Variants in KIAA0319L observed in about 807,000 individuals in gnomAD.
KIAA0319L encodes the protein dyslexia-associated protein KIAA0319-like protein.
A neutral mutation model predicts 120.1 loss-of-function variants in KIAA0319L; 55 were observed. The ratio of observed to expected loss-of-function variants is 0.46; its 90% CI spans 0.37 to 0.57. KIAA0319L has a LOEUF of 0.57. Among genes scored for constraint, KIAA0319L ranks in the 20% least tolerant of loss-of-function variants. KIAA0319L has a pLI of 0.00. For missense variants in KIAA0319L, 1,049 were observed against 1,255.3 expected, an observed-to-expected ratio of 0.84 and a Z score of 2.48; for synonymous variants, 398 against 471.9, an observed-to-expected ratio of 0.84 and a Z score of 2.03.
In KIAA0319L at chr1:35,462,613, G is replaced by C; in HGVS notation, c.1294+8C>G. 6.3e-7 allele frequency: 1 copy of C among 1,593,556 alleles called. No individual in the cohort carries two copies. The stretch of plus-strand genomic sequence containing the variant: ...CTTCTAAAACATCATACTTAGACAA[G>C]TACTCACGACTGCCATCAATGACTG... On this transcript the variant is annotated splice_region_variant and intron_variant, in intron 8 of 20. Coordinates refer to ENST00000325722, the MANE Select transcript of KIAA0319L (RefSeq NM_024874.5).
At chr1:35,463,752 G>GT (rs1225676991) in intron 7 of KIAA0319L, among the ~76,000 whole-genome samples, 1 of 152,214 alleles carries the variant, frequency 6.6e-6, no homozygotes, top group Non-Finnish European at 1.5e-5. Flanking sequence ...TGGTCTGGCT[G>GT]TGTCTCCACT....
At chr1:35,455,642 G>A (rs1023522431) in intron 10 of KIAA0319L, among the ~76,000 whole-genome samples, 8 of 142,204 alleles carry the variant, frequency 5.6e-5, no homozygotes, top group South Asian at 2.2e-4. Context: ...GTGCAATGGC[G>A]TGATCTCGGC....
chr1:35,541,010 T>C (rs11264174), intron 2 of KIAA0319L, among the ~76,000 whole-genome samples: 34,917 of 151,868 alleles, frequency 0.23, 8,567 homozygotes, highest in African/African-American at 0.58. Flanking sequence ...AGCGTGATCA[T>C]GGCTCACTGA....
chr1:35,470,704 A>C (rs527260253), intron 6 of KIAA0319L, among the ~76,000 whole-genome samples, 159 bp downstream of exon 6: 1 of 152,312 alleles, frequency 6.6e-6, no homozygotes, highest in South Asian at 2.1e-4. Context: ...AGAATCATAC[A>C]CTAACAAATA....
Position 35,554,395 on chromosome 1 carries a change from G to A in KIAA0319L, c.97C>T (p.Leu33=). The change falls in exon 2 of 21, where the codon CTG becomes TTG. Residue 33 remains leucine (L), a synonymous_variant. Coordinates refer to ENST00000325722, the MANE Select transcript of KIAA0319L (RefSeq NM_024874.5). The part of the protein sequence containing the change: ...TSAKWLRSLY[L]FYTCFCFSVL... ...CTGAAGCAAAAGCAAGTATAAAACA[G>A]GTACAGGCTTCTCAACCACTTCGCA... The A allele has an allele frequency of 6.2e-7, 1 of 1,612,704 alleles. No homozygotes were observed. Among genetic ancestry groups the A allele is most frequent in the Non-Finnish European group, 8.5e-7 (1 of 1,179,548 alleles).
At chr1:35,544,130 G>A (rs1646896398) in intron 2 of KIAA0319L, among the ~76,000 whole-genome samples, 1 of 152,064 alleles carries the variant, frequency 6.6e-6, no homozygotes, top group South Asian at 2.1e-4. Context: ...CACTTTGGGG[G>A]GCCAAGGCGG....
At chr1:35,484,858 GGTTA>G (rs1185002557) in intron 3 of KIAA0319L, among the ~76,000 whole-genome samples, 2 of 139,858 alleles carry the variant, frequency 1.4e-5, no homozygotes, top group Non-Finnish European at 3.1e-5. Flanking sequence ...ACATTGTGCA[GGTTA>G]GTTACATATG....
intron 4 of KIAA0319L, among the ~76,000 whole-genome samples, chr1:35,476,752 T>A (rs1223823448): frequency 6.6e-6 from 1 of 152,196 alleles, no homozygotes; most frequent in Non-Finnish European, 1.5e-5. Context: ...TGCCTCATGA[T>A]TGAACCCCTA....
At chr1:35,484,530 T>G (rs914740713) in intron 3 of KIAA0319L, among the ~76,000 whole-genome samples, 1 of 152,146 alleles carries the variant, frequency 6.6e-6, no homozygotes, top group Non-Finnish European at 1.5e-5. Flanking sequence ...ATAGTTCCAG[T>G]GGCTTTTATG....
rs1645960789 is a variant in KIAA0319L, at chr1:35,522,414, GGA to G, written c.143-15281_143-15280del. Among the ~76,000 whole-genome samples, 6 of 152,006 alleles carry G rather than the reference GGA, an allele frequency of 3.9e-5. No individual in the cohort carries two copies. In the South Asian group the frequency reaches 1.3e-3, roughly 32 times the overall value. ...CCTGCCTCAGCCTCTTGAGTAGCTG[GGA>G]TTACAGGCACGCACCACCACGCCCA... is the stretch of plus-strand genomic sequence containing the variant. On this transcript the variant is annotated intron_variant, in intron 2 of 20. Coordinates refer to ENST00000325722, the MANE Select transcript of KIAA0319L (RefSeq NM_024874.5).
intron 4 of KIAA0319L, among the ~76,000 whole-genome samples, chr1:35,476,572 T>C (rs927239080): frequency 4.6e-5 from 7 of 152,024 alleles, no homozygotes; most frequent in African/African-American, 1.7e-4. Flanking sequence ...CCCCAGGAGA[T>C]GGAATAAGAA....
At chr1:35,548,576 C>T (rs369631831) in intron 2 of KIAA0319L, among the ~76,000 whole-genome samples, 121 of 152,182 alleles carry the variant, frequency 8.0e-4, no homozygotes, top group African/African-American at 2.8e-3. Flanking sequence ...ATCTCTTACA[C>T]ATATATAAGA....
chr1:35,473,652 GA>G (rs1200231827), intron 5 of KIAA0319L, among the ~76,000 whole-genome samples: 2 of 152,196 alleles, frequency 1.3e-5, no homozygotes, highest in East Asian at 3.8e-4. Context: ...AATGTGAAAT[GA>G]ATTGATAAGG....
intron 2 of KIAA0319L, among the ~76,000 whole-genome samples, chr1:35,546,037 T>A (rs1336847428): frequency 6.6e-6 from 1 of 152,200 alleles, no homozygotes; most frequent in Admixed American, 6.5e-5. Context: ...GAGGTAGCCA[T>A]GAGACATCTT....
chr1:35,486,976 T>C (rs988212077), intron 3 of KIAA0319L, among the ~76,000 whole-genome samples: 2 of 152,218 alleles, frequency 1.3e-5, no homozygotes, highest in African/African-American at 4.8e-5. Flanking sequence ...CTTTGAAGTC[T>C]GACTACTATC....
chr1:35,546,895 A>G (rs6425947), intron 2 of KIAA0319L, among the ~76,000 whole-genome samples: 34,837 of 151,358 alleles, frequency 0.23, 8,564 homozygotes, highest in African/African-American at 0.58. Context: ...TGCAGCTGCT[A>G]TAGAAAACAG....
At chr1:35,539,752 ACTCT>A (rs1209347934) in intron 2 of KIAA0319L, among the ~76,000 whole-genome samples, 11 of 152,104 alleles carry the variant, frequency 7.2e-5, no homozygotes, top group Non-Finnish European at 1.2e-4. Flanking sequence ...CCTCCAGCTG[ACTCT>A]GGTTGCCCTC....
Position 35,462,732 on chromosome 1 carries a change from A to G in KIAA0319L, c.1202-19T>C. The G allele has an allele frequency of 6.3e-7, 1 of 1,593,352 alleles. No homozygotes were observed. The highest frequency in any genetic ancestry group is 1.1e-5 in the South Asian group (1 of 90,650). On this transcript the variant is annotated intron_variant, in intron 7 of 20. Coordinates refer to ENST00000325722, the MANE Select transcript of KIAA0319L (RefSeq NM_024874.5). ...CGGGGCTCTGCAAGAAAGTGACCCA[A>G]AAGAAATTGGGAAAGAGGCTTCAGA...
At chr1:35,478,516 C>G (rs1256649861) in intron 4 of KIAA0319L, among the ~76,000 whole-genome samples, 1 of 152,036 alleles carries the variant, frequency 6.6e-6, no homozygotes, top group Non-Finnish European at 1.5e-5. Flanking sequence ...ATCAAAGTAT[C>G]TCATGTATGC....
Sources: gnomAD v4.1 joint callset for allele counts (sites outside exome capture counted in the v4.1 genomes callset) on GRCh38, gnomAD v4.1.1 for gene constraint, MANE v1.5 for transcripts, NCBI Gene and HGNC (gene_info 2026-07-23, HGNC 2026-07-21) for gene names.